Variants in ZHX2 observed in about 807,000 individuals in gnomAD.
The protein encoded by ZHX2 is zinc fingers and homeoboxes protein 2.
ZHX2 carries 6 observed loss-of-function variants against 21.9 expected under a neutral mutation model. The ratio of observed to expected loss-of-function variants is 0.27; its 90% confidence interval spans 0.15 to 0.54. The LOEUF (loss-of-function observed/expected upper bound fraction) is 0.54, where lower values mean the gene tolerates loss of function less well. Among genes scored for constraint, ZHX2 ranks in the 20% least tolerant of loss-of-function variants. The pLI is 0.95. For missense variants in ZHX2, 908 were observed against 1,090.7 expected, an observed-to-expected ratio of 0.83 and a Z score of 2.36; for synonymous variants, 434 against 437.1, an observed-to-expected ratio of 0.99 and a Z score of 0.09.
chr8:122,856,215 C>G (rs76542522), intron 1 of ZHX2, among the ~76,000 whole-genome samples: 1,942 of 152,318 alleles, frequency 0.013, 15 homozygotes, highest in African/African-American at 0.023. Context: ...GTCTGTCAGT[C>G]TCTAACCAAG....
intron 2 of ZHX2, among the ~76,000 whole-genome samples, chr8:122,947,886 G>T (rs142438595): frequency 2.6e-5 from 4 of 152,070 alleles, no homozygotes; most frequent in Non-Finnish European, 4.4e-5. Flanking sequence ...CTCTGGAGGC[G>T]TGAAAAGTAT....
intron 1 of ZHX2, among the ~76,000 whole-genome samples, chr8:122,821,626 G>C (rs10095188): frequency 0.24 from 36,698 of 151,892 alleles, 4,914 homozygotes; most frequent in African/African-American, 0.35. Flanking sequence ...AGGCAACACA[G>C]AGATGTGAGG....
chr8:122,934,134 C>T (rs1055322807), intron 2 of ZHX2, among the ~76,000 whole-genome samples: 1 of 152,178 alleles, frequency 6.6e-6, no homozygotes, highest in Non-Finnish European at 1.5e-5. Context: ...TTAATCCTCA[C>T]ACCCCTATGA....
At chr8:122,790,141 A>G (rs1423764639) in intron 1 of ZHX2, among the ~76,000 whole-genome samples, 2 of 152,186 alleles carry the variant, frequency 1.3e-5, no homozygotes, top group African/African-American at 2.4e-5. Flanking sequence ...CTGAAAGAAG[A>G]TTTTGAGAGG....
At position 122,785,271 on chromosome 8, in the gene ZHX2, A is replaced by G. The variant is rs533619222; in HGVS notation, c.-283+3325A>G. ...CAGACTCTTGACTACCAGTGACTTA[A>G]CCAGATAGGGACTTTTTTGTGTCAG... On this transcript the variant is annotated intron_variant, in intron 1 of 3. Coordinates refer to ENST00000314393, the MANE Select transcript of ZHX2 (RefSeq NM_014943.5). Among the ~76,000 whole-genome samples, 4 of 152,346 alleles carry G rather than the reference A, an allele frequency of 2.6e-5. No homozygotes were observed. In the South Asian group the frequency reaches 8.3e-4, roughly 32 times the overall value.
chr8:122,850,635 G>C (rs1165598180), intron 1 of ZHX2, among the ~76,000 whole-genome samples: 1 of 82,010 alleles, frequency 1.2e-5, no homozygotes, highest in East Asian at 3.4e-4. Flanking sequence ...GCGAGACTCT[G>C]TCTCAAAAAA....
intron 2 of ZHX2, among the ~76,000 whole-genome samples, chr8:122,865,605 G>A (rs931119550): frequency 3.3e-5 from 5 of 152,130 alleles, no homozygotes; most frequent in African/African-American, 1.2e-4. Context: ...TCAGAATGCC[G>A]GATTCCCATC....
chr8:122,785,836 G>T (rs1817383993), intron 1 of ZHX2, among the ~76,000 whole-genome samples: 1 of 152,190 alleles, frequency 6.6e-6, no homozygotes, highest in South Asian at 2.1e-4. Flanking sequence ...CAGGCTTGGG[G>T]GTGCACATGG....
intron 1 of ZHX2, among the ~76,000 whole-genome samples, chr8:122,786,861 C>T (rs1372117736): frequency 6.6e-6 from 1 of 152,150 alleles, no homozygotes; most frequent in African/African-American, 2.4e-5. Context: ...AGGAAGGATG[C>T]TTGGCTGTGC....
intron 2 of ZHX2, among the ~76,000 whole-genome samples, chr8:122,907,366 A>G (rs1197964067): frequency 6.6e-6 from 1 of 152,160 alleles, no homozygotes; most frequent in Admixed American, 6.5e-5. Context: ...TCCAAGCGGG[A>G]GGGAGCATCC....
At chr8:122,844,459 A>G (rs1818709398) in intron 1 of ZHX2, among the ~76,000 whole-genome samples, 1 of 152,250 alleles carries the variant, frequency 6.6e-6, no homozygotes. Flanking sequence ...AAAAGAGATC[A>G]TGGATATAAA....
intron 2 of ZHX2, among the ~76,000 whole-genome samples, chr8:122,942,872 C>A (rs1228578783): frequency 6.6e-6 from 1 of 152,206 alleles, no homozygotes; most frequent in Non-Finnish European, 1.5e-5. Context: ...ACAAAGGATG[C>A]AGAGGAGAGT....
intron 2 of ZHX2, among the ~76,000 whole-genome samples, chr8:122,907,481 G>A (rs1234831905): frequency 6.6e-6 from 1 of 152,188 alleles, no homozygotes; most frequent in Non-Finnish European, 1.5e-5. Context: ...GAGCGGAGGG[G>A]TGACTTTGAA....
At chr8:122,826,632 G>A (rs973999010) in intron 1 of ZHX2, among the ~76,000 whole-genome samples, 8 of 152,288 alleles carry the variant, frequency 5.3e-5, no homozygotes, top group Middle Eastern at 6.8e-3. Flanking sequence ...GCTTAGGGGC[G>A]GTGCTAGGGA....
intron 2 of ZHX2, among the ~76,000 whole-genome samples, chr8:122,875,619 T>C (rs1218846513): frequency 6.6e-6 from 1 of 152,214 alleles, no homozygotes; most frequent in Non-Finnish European, 1.5e-5. Context: ...GACGTGGTAG[T>C]TGGAATTTAC....
In ZHX2 at chr8:122,828,599, A is replaced by T. The variant is rs1818310347; in HGVS notation, c.-282-34878A>T. On this transcript the variant is annotated intron_variant, in intron 1 of 3. Transcript: ENST00000314393. The surrounding 1 kb of genome is among the most constrained non-coding windows in gnomAD (Gnocchi z 5.2). ...CCAGAGAGCTCCTCATGCTCTGTGT[A>T]ATAACTAGGCGGGGCCATGGGCTGT... Among the ~76,000 whole-genome samples the T allele has an allele frequency of 6.6e-6, 1 of 152,218 alleles. No homozygotes were observed. The highest frequency in any genetic ancestry group is 6.5e-5 in the Admixed American group (1 of 15,282).
chr8:122,890,311 G>T (rs1265000095), intron 2 of ZHX2, among the ~76,000 whole-genome samples: 1 of 152,036 alleles, frequency 6.6e-6, no homozygotes, highest in Non-Finnish European at 1.5e-5. Context: ...TGTTTCATTG[G>T]TCTATATGTC....
At chr8:122,788,896 C>T (rs1004658735) in intron 1 of ZHX2, among the ~76,000 whole-genome samples, 4 of 152,286 alleles carry the variant, frequency 2.6e-5, no homozygotes, top group East Asian at 3.9e-4. Flanking sequence ...ATTACAAATC[C>T]GCCTCTGTTA....
Position 122,926,615 on chromosome 8 carries a change from G to A in ZHX2, c.-219-24677G>A, listed in dbSNP as rs117836966. Among the ~76,000 whole-genome samples the A allele has an allele frequency of 6.0e-3, 911 of 152,306 alleles. 4 individuals carry two copies. The highest frequency in any genetic ancestry group is 0.012 in the South Asian group (60 of 4,828). ...TGAACCATCTGGAAGCCAGGACCCA[G>A]TGTGTTTTCTTCCTCGTTCGGCTGG... On this transcript the variant is annotated intron_variant, in intron 2 of 3. Transcript: ENST00000314393.
Sources: allele counts gnomAD v4.1 joint callset (sites outside exome capture counted in the v4.1 genomes callset), GRCh38; gene constraint gnomAD v4.1.1; non-coding constraint Gnocchi (gnomAD v3.1); transcripts MANE v1.5; gene names NCBI Gene and HGNC (gene_info 2026-07-23, HGNC 2026-07-21).